The following CTNND2 variants were observed in gnomAD, a reference collection of about 807,000 sequenced individuals.
CTNND2 encodes catenin delta-2.
Under a neutral mutation model 144.4 loss-of-function variants are expected in CTNND2, and 22 were observed. That is an observed-to-expected ratio of 0.15 (90% CI 0.11 to 0.22). CTNND2 has a LOEUF of 0.22. CTNND2 is among the 10% of genes least tolerant of loss of function. The pLI, the probability that CTNND2 is intolerant of heterozygous loss-of-function variation, is 1.00. For missense variants in CTNND2, 1,353 were observed against 1,618.8 expected (o/e 0.84, Z 2.82); for synonymous variants, 751 against 695.6 (o/e 1.08, Z -1.25).
At chr5:11,383,252 G>A (rs1581072709) in intron 7 of CTNND2, among the ~76,000 whole-genome samples, 2 of 152,232 alleles carry the variant, frequency 1.3e-5, no homozygotes, top group East Asian at 3.9e-4. Context: ...TCTCTGTGGT[G>A]GTGCGCATGG....
chr5:11,783,807 T>C (rs1410126686), intron 1 of CTNND2, among the ~76,000 whole-genome samples: 2 of 152,204 alleles, frequency 1.3e-5, no homozygotes, highest in African/African-American at 4.8e-5. Context: ...GATGACATAA[T>C]TCCTACTTTC....
chr5:11,710,256 G>C (rs112625249), intron 2 of CTNND2, among the ~76,000 whole-genome samples: 1 of 152,042 alleles, frequency 6.6e-6, no homozygotes, highest in Non-Finnish European at 1.5e-5. Context: ...GGAACCCTTC[G>C]GTCCGGCTGG....
intron 16 of CTNND2, among the ~76,000 whole-genome samples, chr5:11,071,872 G>T (rs1243588684): frequency 6.6e-6 from 1 of 152,138 alleles, no homozygotes; most frequent in Non-Finnish European, 1.5e-5. Context: ...ACTCACTTGG[G>T]ATAAAGAAAA....
intron 3 of CTNND2, among the ~76,000 whole-genome samples, chr5:11,543,390 G>GT (rs1300203486): frequency 1.3e-5 from 2 of 152,134 alleles, no homozygotes; most frequent in Non-Finnish European, 2.9e-5. Flanking sequence ...CTACATACAG[G>GT]TATCTACAGA....
At chr5:11,777,458 T>C (rs1013984024) in intron 1 of CTNND2, among the ~76,000 whole-genome samples, 4 of 152,240 alleles carry the variant, frequency 2.6e-5, no homozygotes, top group African/African-American at 9.6e-5. Flanking sequence ...TTCCCATTCA[T>C]CTGCTTAACT....
At chr5:11,089,807 C>T (rs974572088) in intron 15 of CTNND2, among the ~76,000 whole-genome samples, 29 of 152,248 alleles carry the variant, frequency 1.9e-4, no homozygotes, top group South Asian at 1.0e-3. Context: ...GCCAGGAGTT[C>T]GAGACCAGCC....
intron 2 of CTNND2, among the ~76,000 whole-genome samples, chr5:11,662,178 C>CATATATGTGT (rs1554101262): frequency 1.7e-5 from 2 of 120,400 alleles, no homozygotes; most frequent in Non-Finnish European, 3.6e-5. Flanking sequence ...TGTATATATA[C>CATATATGTGT]ATATATGTGT....
chr5:11,080,666 C>T (rs1382048382), intron 16 of CTNND2, among the ~76,000 whole-genome samples: 2 of 152,180 alleles, frequency 1.3e-5, no homozygotes, highest in Non-Finnish European at 2.9e-5. Flanking sequence ...GAATCCTGTC[C>T]TTTACAACAA....
At chr5:11,799,771 A>T (rs1379314231) in intron 1 of CTNND2, among the ~76,000 whole-genome samples, 1 of 152,200 alleles carries the variant, frequency 6.6e-6, no homozygotes, top group African/African-American at 2.4e-5. Flanking sequence ...GATACTATTA[A>T]TGTTGCACTT....
chr5:11,792,401 T>C (rs747563009), intron 1 of CTNND2, among the ~76,000 whole-genome samples: 2 of 152,234 alleles, frequency 1.3e-5, no homozygotes, highest in Non-Finnish European at 2.9e-5. Context: ...CAAAACTAGT[T>C]CTGAGGCTTA....
chr5:11,642,299 A>G (rs1196543340), intron 2 of CTNND2, among the ~76,000 whole-genome samples: 1 of 152,186 alleles, frequency 6.6e-6, no homozygotes, highest in African/African-American at 2.4e-5. Context: ...GCAGAACATA[A>G]ATAATATTAT....
chr5:11,104,174 A>G (rs949557404), intron 14 of CTNND2, among the ~76,000 whole-genome samples: 1 of 152,248 alleles, frequency 6.6e-6, no homozygotes, highest in Non-Finnish European at 1.5e-5. Flanking sequence ...CAGTCATTAC[A>G]TATGTGCAGG....
At chr5:11,186,953 G>A (rs1416533404) in intron 11 of CTNND2, among the ~76,000 whole-genome samples, 5 of 152,256 alleles carry the variant, frequency 3.3e-5, no homozygotes, top group East Asian at 3.9e-4. Context: ...TGGACGGTAC[G>A]TAGCACTATG....
intron 3 of CTNND2, among the ~76,000 whole-genome samples, chr5:11,426,028 C>A (rs753800922): frequency 6.6e-6 from 1 of 152,152 alleles, no homozygotes; most frequent in Admixed American, 6.6e-5. Context: ...TAGCCAGAAT[C>A]CTTTTTTTCC....
intron 2 of CTNND2, among the ~76,000 whole-genome samples, chr5:11,635,516 T>C (rs1781639250): frequency 6.6e-6 from 1 of 152,154 alleles, no homozygotes; most frequent in Non-Finnish European, 1.5e-5. Context: ...GGATAAGGCA[T>C]TTCCATTTCT....
At chr5:11,038,218 G>C (rs1744287728) in intron 16 of CTNND2, among the ~76,000 whole-genome samples, 1 of 152,170 alleles carries the variant, frequency 6.6e-6, no homozygotes, top group African/African-American at 2.4e-5. Context: ...CTGGGCCATG[G>C]AACAATACTG....
intron 16 of CTNND2, among the ~76,000 whole-genome samples, chr5:11,056,071 C>T (rs911902568): frequency 4.6e-5 from 7 of 152,152 alleles, no homozygotes; most frequent in Non-Finnish European, 7.4e-5. Context: ...ACCTGGATCA[C>T]GGAGATGGGG....
intron 10 of CTNND2, among the ~76,000 whole-genome samples, chr5:11,217,034 C>T (rs1253892927): frequency 6.6e-6 from 1 of 152,218 alleles, no homozygotes; most frequent in Non-Finnish European, 1.5e-5. Flanking sequence ...CATTGCACTT[C>T]TATGTACCAA....
chr5:11,294,917 G>A (rs1020707437), intron 9 of CTNND2, among the ~76,000 whole-genome samples: 1 of 152,086 alleles, frequency 6.6e-6, no homozygotes, highest in African/African-American at 2.4e-5. Context: ...TTTGAAAACT[G>A]GCACAAGACA....
Sources: gnomAD v4.1 joint callset for allele counts (sites outside exome capture counted in the v4.1 genomes callset) on GRCh38, gnomAD v4.1.1 for gene constraint, MANE v1.5 for transcripts, NCBI Gene and HGNC (gene_info 2026-07-23, HGNC 2026-07-21) for gene names.